STPG1: variants seen among roughly 807,000 people sequenced by gnomAD.
STPG1 encodes sperm tail PG-rich repeat containing 1.
In STPG1, 33 loss-of-function variants were observed where a neutral mutation model predicts 40.1. That is an observed-to-expected ratio of 0.82 (90% CI 0.62 to 1.10). The LOEUF is 1.10. Ranked by LOEUF, STPG1 falls within the 50% of genes least tolerant of loss-of-function variation. STPG1 has a pLI of 0.00. For synonymous variants in STPG1, 150 were observed against 155.0 expected (o/e 0.97, Z 0.24); for missense variants, 396 against 415.1 (o/e 0.95, Z 0.40).
intron 2 of STPG1, among the ~76,000 whole-genome samples, chr1:24,395,704 T>C (rs1642971470): frequency 6.6e-6 from 1 of 152,090 alleles, no homozygotes; most frequent in African/African-American, 2.4e-5. Context: ...AGTGCTGGGA[T>C]TACAGGCATG....
chr1:24,396,758 A>AG (rs984740631), intron 2 of STPG1, among the ~76,000 whole-genome samples: 51 of 152,342 alleles, frequency 3.3e-4, no homozygotes, highest in African/African-American at 1.2e-3. Context: ...ATAATACAAG[A>AG]GACAGAGAAA....
intron 6 of STPG1, among the ~76,000 whole-genome samples, chr1:24,370,501 T>A (rs1156579110): frequency 6.9e-6 from 1 of 144,908 alleles, no homozygotes; most frequent in African/African-American, 2.5e-5. Context: ...AAAAAAAAAT[T>A]TTTTTTTTGA....
intron 6 of STPG1, among the ~76,000 whole-genome samples, chr1:24,370,243 A>G (rs2148685871): frequency 6.6e-6 from 1 of 152,220 alleles, no homozygotes; most frequent in South Asian, 2.1e-4. Flanking sequence ...CAGAGTTGTT[A>G]TGACAGTTGA....
rs1455586827 is a variant in STPG1, at chr1:24,406,330, TTCCA to T, written c.-68-4878_-68-4875del. ...CAAAAATACACTTCCATTTCCTACC[TTCCA>T]TCCTTTTTGCTACTTTTGTATACAT... On this transcript the variant is annotated intron_variant, in intron 1 of 8. Coordinates refer to ENST00000337248, the MANE Select transcript of STPG1 (RefSeq NM_001199013.2). Among the ~76,000 whole-genome samples the T allele has an allele frequency of 3.3e-5, 5 of 152,266 alleles. No individual in the cohort carries two copies. The East Asian group carries it at 9.6e-4, about 29-fold the overall frequency.
At chr1:24,371,885 T>C (rs912966501) in intron 6 of STPG1, among the ~76,000 whole-genome samples, 2 of 152,094 alleles carry the variant, frequency 1.3e-5, no homozygotes, top group Admixed American at 6.6e-5. Flanking sequence ...TGGATTAAAA[T>C]CCAGCTGTGG....
At chr1:24,400,163 G>A (rs536220256) in intron 2 of STPG1, among the ~76,000 whole-genome samples, 5 of 152,298 alleles carry the variant, frequency 3.3e-5, no homozygotes, top group East Asian at 1.9e-4. Flanking sequence ...AAATTGTGGT[G>A]TATTCAAACA....
At chr1:24,391,815 C>A in intron 2 of STPG1, 136 bp from the exon 3 acceptor site, 22 of 1,245,144 alleles carry the variant, frequency 1.8e-5, no homozygotes, top group Admixed American at 3.9e-5. Flanking sequence ...AGGAAACAGA[C>A]ACGAAACCGG....
intron 2 of STPG1, among the ~76,000 whole-genome samples, chr1:24,397,498 G>T (rs1394029331): frequency 6.6e-6 from 1 of 151,266 alleles, no homozygotes; most frequent in Non-Finnish European, 1.5e-5. Context: ...GAGGTCAGCA[G>T]CCCTCATAAA....
In STPG1 at chr1:24,396,879, A is replaced by T. The variant is rs1051051493; in HGVS notation, c.70+4440T>A. On this transcript the variant is annotated intron_variant, in intron 2 of 8. Coordinates refer to ENST00000337248, the MANE Select transcript of STPG1 (RefSeq NM_001199013.2). ...GTAAATAATCTAAATATCCCAATTA[A>T]AAAACAGAGATTCTCAGATTGGATA... is the stretch of plus-strand genomic sequence containing the variant. Among the ~76,000 whole-genome samples the T allele has an allele frequency of 3.0e-4, 45 of 152,242 alleles. 1 individual carries two copies. Among genetic ancestry groups the T allele is most frequent in the Non-Finnish European group, 5.9e-4 (40 of 68,036 alleles).
At chr1:24,393,592 T>C (rs1469781528) in intron 2 of STPG1, among the ~76,000 whole-genome samples, 1 of 152,128 alleles carries the variant, frequency 6.6e-6, no homozygotes, top group Admixed American at 6.5e-5. Flanking sequence ...GGAAAGGAGA[T>C]CCAAGGCTTC....
intron 2 of STPG1, among the ~76,000 whole-genome samples, chr1:24,395,411 T>G (rs947712403): frequency 1.3e-5 from 2 of 150,256 alleles, no homozygotes; most frequent in Admixed American, 1.3e-4. Flanking sequence ...TATAAAATTA[T>G]GAGTATAAAT....
rs1642767030 is a variant in STPG1, at chr1:24,391,438, G to A, written c.189+123C>T. On this transcript the variant is annotated intron_variant, in intron 3 of 8. Transcript: ENST00000337248. ...GCCCCTCAGTGGAGCTGGTGCCGCGGCTCCTGGGAGCACACTGCCCTCCAC... is the reference window on the plus strand; with the variant it reads ...GCCCCTCAGTGGAGCTGGTGCCGCGACTCCTGGGAGCACACTGCCCTCCAC... 3.1e-5 allele frequency: 18 copies of A among 582,716 alleles called. 1 individual carries two copies. In the South Asian group the frequency reaches 4.2e-4, roughly 14 times the overall value. 36.1% of individuals were successfully genotyped at this position (582,716 alleles called of 1,614,324 possible).
intron 7 of STPG1, 74 bp from the exon 8 acceptor site, chr1:24,361,115 A>G: frequency 2.2e-6 from 3 of 1,355,002 alleles, no homozygotes; most frequent in Non-Finnish European, 3.0e-6. Flanking sequence ...AGACACAGCC[A>G]AGACCTGCAC....
At chr1:24,393,924 C>G (rs146858646) in intron 2 of STPG1, among the ~76,000 whole-genome samples, 1 of 152,122 alleles carries the variant, frequency 6.6e-6, no homozygotes, top group African/African-American at 2.4e-5. Context: ...GATGGAGCCC[C>G]GTGGTCTTCC....
chr1:24,364,616 T>G (rs1017888308), intron 7 of STPG1: 1 of 532,664 alleles, frequency 1.9e-6, no homozygotes, highest in Admixed American at 4.5e-5. Flanking sequence ...GCTGGCAGCA[T>G]GTAAAGGAGC....
At chr1:24,405,990 A>G (rs1172136885) in intron 1 of STPG1, among the ~76,000 whole-genome samples, 1 of 152,138 alleles carries the variant, frequency 6.6e-6, no homozygotes, top group African/African-American at 2.4e-5. Context: ...TTTTTAAAGA[A>G]AACATATATT....
chr1:24,379,822 C>G lies in STPG1; in HGVS notation c.293G>C (p.Cys98Ser). ...KKGTCMFPSM[C>S]ARLDTIISKY... ...AGAAATGATGGTGTCCAATCGGGCG[C>G]ACTGTAAGGAGACAACCAAAGGAAT... The change falls in exon 5 of 9, where the codon TGC becomes TCC. Residue 98 changes from cysteine to serine, a missense_variant and splice_region_variant. Physicochemically the swap from Cys to Ser is moderately radical, Grantham distance 112. Coordinates refer to ENST00000337248, the MANE Select transcript of STPG1 (RefSeq NM_001199013.2). The G allele has an allele frequency of 6.2e-7, 1 of 1,613,570 alleles. No homozygotes were observed. Among genetic ancestry groups the G allele is most frequent in the Non-Finnish European group, 8.5e-7 (1 of 1,179,570 alleles).
intron 2 of STPG1, chr1:24,401,053 A>G: frequency 2.6e-6 from 1 of 382,092 alleles, no homozygotes; most frequent in Non-Finnish European, 4.7e-6. Context: ...GATTCTTACC[A>G]GATACATGGA....
intron 3 of STPG1, among the ~76,000 whole-genome samples, chr1:24,388,792 T>C (rs1232967081): frequency 6.6e-6 from 1 of 152,196 alleles, no homozygotes; most frequent in Non-Finnish European, 1.5e-5. Flanking sequence ...AATGGCCATT[T>C]CCCTCGGGAA....
Sources: allele counts gnomAD v4.1 joint callset (sites outside exome capture counted in the v4.1 genomes callset), GRCh38; gene constraint gnomAD v4.1.1; transcripts MANE v1.5; gene names NCBI Gene and HGNC (gene_info 2026-07-23, HGNC 2026-07-21).